ARL15: variants seen among roughly 807,000 people sequenced by gnomAD.
ARL15 encodes ADP-ribosylation factor-like protein 15.
In ARL15, 19 loss-of-function variants were observed where a neutral mutation model predicts 25.2. The ratio of observed to expected loss-of-function variants is 0.75; its 90% CI spans 0.53 to 1.10. The LOEUF (loss-of-function observed/expected upper bound fraction) is 1.10, where lower values mean the gene tolerates loss of function less well. Ranked by LOEUF, ARL15 falls within the 50% of genes least tolerant of loss-of-function variation. The pLI is 0.00. For synonymous variants in ARL15, 94 were observed against 86.8 expected, an observed-to-expected ratio of 1.08 and a Z score of -0.46; for missense variants, 220 against 246.0, an observed-to-expected ratio of 0.89 and a Z score of 0.71.
chr5:54,023,981 CT>C (rs1228069762), intron 4 of ARL15, among the ~76,000 whole-genome samples: 1 of 152,344 alleles, frequency 6.6e-6, no homozygotes, highest in African/African-American at 2.4e-5. Flanking sequence ...ATCATCCCTA[CT>C]TCCCCATCAC....
intron 1 of ARL15, among the ~76,000 whole-genome samples, chr5:54,267,068 G>A (rs944852094): frequency 2.0e-5 from 3 of 152,134 alleles, no homozygotes; most frequent in Non-Finnish European, 4.4e-5. Context: ...TCACTCCCTG[G>A]GGATGGAGCT....
At chr5:54,008,628 C>T (rs1216963348) in intron 4 of ARL15, among the ~76,000 whole-genome samples, 3 of 151,816 alleles carry the variant, frequency 2.0e-5, no homozygotes, top group Admixed American at 6.6e-5. Context: ...TTAGCTACTG[C>T]AGCATTTCTA....
intron 1 of ARL15, among the ~76,000 whole-genome samples, chr5:54,238,964 T>C (rs985476347): frequency 6.6e-6 from 1 of 152,234 alleles, no homozygotes; most frequent in Non-Finnish European, 1.5e-5. Context: ...GTGCCACTTT[T>C]ATAGTCATTG....
intron 4 of ARL15, among the ~76,000 whole-genome samples, chr5:54,070,479 A>G (rs1751385026): frequency 6.6e-6 from 1 of 151,940 alleles, no homozygotes; most frequent in Non-Finnish European, 1.5e-5. Context: ...AAGAGTCCCC[A>G]CCAGCAAAAG....
chr5:54,193,530 C>A (rs1755464293), intron 1 of ARL15, among the ~76,000 whole-genome samples: 1 of 152,046 alleles, frequency 6.6e-6, no homozygotes, highest in South Asian at 2.1e-4. Flanking sequence ...CTACTGTGAA[C>A]TGCACATGTG....
At chr5:54,090,552 C>G (rs1346976494) in intron 4 of ARL15, among the ~76,000 whole-genome samples, 1 of 151,784 alleles carries the variant, frequency 6.6e-6, no homozygotes, top group East Asian at 1.9e-4. Context: ...ATTTCTATTT[C>G]TTAATGTGGG....
chr5:53,935,813 T>C (rs1192274538), intron 4 of ARL15, among the ~76,000 whole-genome samples: 2 of 152,164 alleles, frequency 1.3e-5, no homozygotes, highest in Non-Finnish European at 2.9e-5. Flanking sequence ...TGGAGTACAG[T>C]GGTGCGATCT....
intron 4 of ARL15, among the ~76,000 whole-genome samples, chr5:54,053,943 G>A (rs980344963): frequency 6.6e-6 from 1 of 152,186 alleles, no homozygotes; most frequent in African/African-American, 2.4e-5. Context: ...TTCATTAACT[G>A]TAATAAATGT....
At chr5:54,178,930 G>A (rs1473204815) in intron 1 of ARL15, among the ~76,000 whole-genome samples, 2 of 152,076 alleles carry the variant, frequency 1.3e-5, no homozygotes, top group African/African-American at 4.8e-5. Context: ...GGGAGGGGCG[G>A]GTGTCCTAGT....
chr5:54,277,562 T>C (rs1232924585), intron 1 of ARL15, among the ~76,000 whole-genome samples: 2 of 152,064 alleles, frequency 1.3e-5, no homozygotes, highest in Non-Finnish European at 2.9e-5. Flanking sequence ...CCATCCTAGC[T>C]AACATGGTGA....
chr5:54,106,966 G>A (rs570422576), intron 4 of ARL15, among the ~76,000 whole-genome samples: 2 of 152,152 alleles, frequency 1.3e-5, no homozygotes, highest in South Asian at 4.2e-4. Context: ...ATCTTGAGGG[G>A]GTTGTATTAG....
At chr5:53,887,730 G>A (rs1228314993) in intron 4 of ARL15, among the ~76,000 whole-genome samples, 1 of 152,070 alleles carries the variant, frequency 6.6e-6, no homozygotes, top group Admixed American at 6.6e-5. Flanking sequence ...AGATGTTCTT[G>A]GTTAACAAAT....
At chr5:53,967,450 T>C (rs1747601613) in intron 4 of ARL15, among the ~76,000 whole-genome samples, 1 of 152,198 alleles carries the variant, frequency 6.6e-6, no homozygotes, top group African/African-American at 2.4e-5. Context: ...TTTGAGGATA[T>C]GAAGGCTATA....
At chr5:54,252,162 A>G (rs1039360023) in intron 1 of ARL15, among the ~76,000 whole-genome samples, 1 of 152,212 alleles carries the variant, frequency 6.6e-6, no homozygotes, top group African/African-American at 2.4e-5. Flanking sequence ...ACAGAAACCA[A>G]ACTAAGCAGG....
intron 1 of ARL15, among the ~76,000 whole-genome samples, chr5:54,255,685 G>C (rs2112609576): frequency 6.6e-6 from 1 of 152,024 alleles, no homozygotes; most frequent in South Asian, 2.1e-4. Context: ...TTGAACTCAT[G>C]TGATGGGCTG....
chr5:54,111,512 G>A, intron 4 of ARL15, among the ~76,000 whole-genome samples: 1 of 152,106 alleles, frequency 6.6e-6, no homozygotes, highest in East Asian at 1.9e-4. Context: ...CATATGTTAG[G>A]TTTAAAGATA....
chr5:54,003,540 A>C (rs1294039921), intron 4 of ARL15, among the ~76,000 whole-genome samples: 1 of 152,228 alleles, frequency 6.6e-6, no homozygotes, highest in African/African-American at 2.4e-5. Flanking sequence ...GTTTTCCCTC[A>C]AACAAAGCCT....
At chr5:54,131,715 T>G (rs1753443942) in intron 3 of ARL15, among the ~76,000 whole-genome samples, 1 of 152,172 alleles carries the variant, frequency 6.6e-6, no homozygotes, top group Non-Finnish European at 1.5e-5. Flanking sequence ...CTATACTAGG[T>G]GCAGAGGATA....
intron 4 of ARL15, among the ~76,000 whole-genome samples, chr5:53,929,781 A>T (rs1368674527): frequency 2.0e-5 from 3 of 151,990 alleles, no homozygotes; most frequent in African/African-American, 4.8e-5. Context: ...CTTCTCAGTC[A>T]AAGTCCCCCC....
Sources: gnomAD v4.1 joint callset for allele counts (sites outside exome capture counted in the v4.1 genomes callset) on GRCh38, gnomAD v4.1.1 for gene constraint, MANE v1.5 for transcripts, NCBI Gene and HGNC (gene_info 2026-07-23, HGNC 2026-07-21) for gene names.